PTGR2: variants seen among roughly 807,000 people sequenced by gnomAD.
PTGR2 encodes the protein prostaglandin reductase 2.
PTGR2 carries 32 observed loss-of-function variants against 43.4 expected under a neutral mutation model. The observed-to-expected ratio is 0.74, with a 90% CI of 0.56 to 0.99. PTGR2 has a LOEUF of 0.99. PTGR2 is among the 50% of genes least tolerant of loss of function. PTGR2 has a pLI of 0.00. For synonymous variants in PTGR2, 106 were observed against 139.2 expected (o/e 0.76, Z 1.68); for missense variants, 373 against 420.0 (o/e 0.89, Z 0.98).
intron 3 of PTGR2, among the ~76,000 whole-genome samples, chr14:73,864,460 T>C (rs1325642137): frequency 6.6e-6 from 1 of 152,254 alleles, no homozygotes; most frequent in Non-Finnish European, 1.5e-5. Flanking sequence ...CTTGTTATTA[T>C]CTGTCTTTTT....
chr14:73,875,302 T>C (rs2054833110), intron 4 of PTGR2, among the ~76,000 whole-genome samples: 2 of 152,106 alleles, frequency 1.3e-5, no homozygotes, highest in African/African-American at 4.8e-5. Context: ...CCAGCCTTAA[T>C]GGTACATTTT....
At chr14:73,877,507 C>T in intron 5 of PTGR2, 1 of 162,384 alleles carries the variant, frequency 6.2e-6, no homozygotes, top group East Asian at 1.7e-4. Flanking sequence ...TCAAGAGATC[C>T]ACCTGCTTCG....
At chr14:73,877,831 T>C (rs1298067776) in intron 5 of PTGR2, 2 of 152,236 alleles carry the variant, frequency 1.3e-5, no homozygotes, top group Non-Finnish European at 1.5e-5. Context: ...AAACCACTTA[T>C]TGAATTCTAG....
chr14:73,873,884 A>T, intron 3 of PTGR2, 139 bp from the exon 4 acceptor site: 1 of 580,350 alleles, frequency 1.7e-6, no homozygotes, highest in Non-Finnish European at 2.9e-6. Context: ...TCTTATGTTT[A>T]AGTCTTGAAT....
chr14:73,855,618 G>T (rs2054327719), intron 1 of PTGR2, among the ~76,000 whole-genome samples: 2 of 151,092 alleles, frequency 1.3e-5, no homozygotes, highest in Admixed American at 1.3e-4. Context: ...GCTGATTTTT[G>T]TATGTTTAGT....
At chr14:73,856,310 A>G (rs937464450) in intron 1 of PTGR2, among the ~76,000 whole-genome samples, 2 of 151,860 alleles carry the variant, frequency 1.3e-5, no homozygotes, top group Non-Finnish European at 2.9e-5. Flanking sequence ...CAGTGGCGCA[A>G]TCTTGGCTCA....
intron 4 of PTGR2, 144 bp downstream of exon 4, chr14:73,874,358 G>T: frequency 3.0e-6 from 2 of 669,450 alleles, no homozygotes; most frequent in Non-Finnish European, 5.0e-6. Context: ...GAAAGCCTTT[G>T]TTCCTTTTCC....
chr14:73,869,382 A>T lies in PTGR2; in HGVS notation c.157-4641A>T, dbSNP rs1046260527. 3.3e-5 allele frequency among the ~76,000 whole-genome samples: 5 copies of T among 151,338 alleles called. No homozygotes were observed. The South Asian group carries it at 8.3e-4, about 25-fold the overall frequency. ...GATGCCATCAATACCAAAAAAAGGAAATTAGGTGAGTGTTAAGGTGCACCA... is the reference window on the plus strand; with the variant it reads ...GATGCCATCAATACCAAAAAAAGGATATTAGGTGAGTGTTAAGGTGCACCA... On this transcript the variant is annotated intron_variant, in intron 3 of 9. Coordinates refer to ENST00000555661, the MANE Select transcript of PTGR2 (RefSeq NM_001146154.2).
intron 7 of PTGR2, 160 bp downstream of exon 7, chr14:73,880,336 G>A: frequency 1.3e-6 from 1 of 761,784 alleles, no homozygotes; most frequent in Admixed American, 2.2e-5. Flanking sequence ...ACTTTGGGAT[G>A]CCGAGACGGG....
chr14:73,876,116 G>A (rs2054858564), intron 4 of PTGR2, among the ~76,000 whole-genome samples: 1 of 152,030 alleles, frequency 6.6e-6, no homozygotes, highest in Admixed American at 6.6e-5. Context: ...ACCGCACCCG[G>A]CCTTAAAGTT....
In PTGR2 at chr14:73,884,459, T is replaced by C. The variant is rs1286923389; in HGVS notation, c.*282T>C. 1.4e-5 allele frequency: 3 copies of C among 211,126 alleles called. No individual in the cohort carries two copies. The highest frequency in any genetic ancestry group is 2.8e-5 in the Non-Finnish European group (3 of 108,130). The allele number at this position is 211,126 out of a possible 1,614,324, so 13.1% of individuals were successfully genotyped here. ...TAAACTGGAAACGTTTTACATGATC[T>C]GATACAACCATTAATGAATCATACA... On this transcript the variant is annotated 3_prime_UTR_variant, in exon 10 of 10. Transcript: ENST00000555661.
rs775724039 is a variant in PTGR2 at position 73,880,172 on chromosome 14, A to C, written c.847A>C (p.Thr283Pro). The change falls in exon 7 of 10, where the codon ACA (threonine) becomes CCA (proline). Residue 283 changes from threonine to proline, a missense_variant. Transcript: ENST00000555661. ...GGCAATCCAGAAAGAAAGAAACATC[A>C]CAAGGTGTGTTCTTCCTCTTTGCCC... ...IEAIQKERNITRERFLVLNYK... is the reference protein window; with the variant it reads ...IEAIQKERNIPRERFLVLNYK... The C allele has an allele frequency of 9.3e-6, 15 of 1,613,708 alleles. 1 individual carries two copies. In the South Asian group the frequency reaches 1.6e-4, roughly 18 times the overall value.
chr14:73,877,717 A>C (rs1022064120), intron 5 of PTGR2: 5 of 152,226 alleles, frequency 3.3e-5, no homozygotes, highest in Non-Finnish European at 7.3e-5. Context: ...TAAATGCTAA[A>C]GCTTTGCTTT....
intron 3 of PTGR2, among the ~76,000 whole-genome samples, chr14:73,862,458 C>T (rs1386040947): frequency 6.6e-6 from 1 of 152,140 alleles, no homozygotes; most frequent in South Asian, 2.1e-4. Context: ...CCACCCGCCT[C>T]GGCCTCCCAA....
chr14:73,881,231 A>C lies in PTGR2; in HGVS notation c.878A>C (p.Lys293Thr). Residue 293 changes from lysine (K) to threonine (T), a missense_variant, in exon 8 of 10, where the codon AAA (lysine) becomes ACA (threonine). Lys to Thr is a moderately conservative substitution (Grantham distance 78, BLOSUM62 -1). Transcript: ENST00000555661. ...TRERFLVLNY[K>T]DKFEPGILQL... Reference sequence around the variant, plus strand: ...GAAAGATTTCTGGTATTAAATTATAAAGACAAATTTGAGCCTGGCATTCTA... The same window carrying C: ...GAAAGATTTCTGGTATTAAATTATACAGACAAATTTGAGCCTGGCATTCTA... 1 of 1,609,582 alleles carries C rather than the reference A, an allele frequency of 6.2e-7. No homozygotes were observed. The highest frequency in any genetic ancestry group is 8.5e-7 in the Non-Finnish European group (1 of 1,176,036).
Position 73,866,813 on chromosome 14 carries a change from G to A in PTGR2, c.156+6156G>A, listed in dbSNP as rs527783235. ...ACAAAATGTAGAAGAAGGTTGCTGGGTGCGGTGTCTCACACCTGTAATCCC... is the reference window on the plus strand; with the variant it reads ...ACAAAATGTAGAAGAAGGTTGCTGGATGCGGTGTCTCACACCTGTAATCCC... On this transcript the variant is annotated intron_variant, in intron 3 of 9. Transcript: ENST00000555661. Among the ~76,000 whole-genome samples, 4 of 152,174 alleles carry A rather than the reference G, an allele frequency of 2.6e-5. No homozygotes were observed. The South Asian group carries it at 6.2e-4, about 24-fold the overall frequency.
intron 3 of PTGR2, among the ~76,000 whole-genome samples, chr14:73,868,128 A>T (rs950896684): frequency 6.6e-6 from 1 of 152,148 alleles, no homozygotes; most frequent in Non-Finnish European, 1.5e-5. Context: ...CTCTACTAAA[A>T]ATACAAAAAA....
chr14:73,881,728 A>C (rs193020199), intron 8 of PTGR2, among the ~76,000 whole-genome samples: 44 of 149,372 alleles, frequency 2.9e-4, no homozygotes, highest in African/African-American at 9.6e-4. Flanking sequence ...ATCGAAAATC[A>C]GGAGTTATTA....
In PTGR2 at chr14:73,884,822, C is replaced by CA. The variant is rs1203311064; in HGVS notation, c.*647dup. ...AAATAACTTAGGTTGGTTAAGTTGACAAGATTTACTCCAGAGGATCATCTC... is the reference window on the plus strand; with the variant it reads ...AAATAACTTAGGTTGGTTAAGTTGACAAAGATTTACTCCAGAGGATCATCTC... On this transcript the variant is annotated 3_prime_UTR_variant, in exon 10 of 10. Transcript: ENST00000555661. The CA allele has an allele frequency of 5.9e-5, 9 of 152,036 alleles. No homozygotes were observed. The highest frequency in any genetic ancestry group is 8.8e-5 in the Non-Finnish European group (6 of 68,040). 9.4% of individuals were successfully genotyped at this position (152,036 alleles called of 1,614,324 possible). A position where few individuals can be genotyped will look rare whatever the true frequency, so the allele number is the denominator to read the frequency against.
Sources: allele counts gnomAD v4.1 joint callset (sites outside exome capture counted in the v4.1 genomes callset), GRCh38; gene constraint gnomAD v4.1.1; transcripts MANE v1.5; gene names NCBI Gene and HGNC (gene_info 2026-07-23, HGNC 2026-07-21).